The following AHCTF1 variants were observed in gnomAD, a reference collection of about 807,000 sequenced individuals.
AHCTF1 encodes AT-hook containing transcription factor 1.
A neutral mutation model predicts 248.4 loss-of-function variants in AHCTF1; 24 were observed. That is an observed-to-expected ratio of 0.10 (90% CI 0.07 to 0.14). The LOEUF (loss-of-function observed/expected upper bound fraction) is 0.14, where lower values mean the gene tolerates loss of function less well. Among genes scored for constraint, AHCTF1 ranks in the 10% least tolerant of loss-of-function variants. The pLI is 1.00. For synonymous variants in AHCTF1, 786 were observed against 929.8 expected (o/e 0.85, Z 2.81); for missense variants, 2,206 against 2,636.2 (o/e 0.84, Z 3.57).
chr1:246,922,098 G>A (rs1384166743), intron 1 of AHCTF1, among the ~76,000 whole-genome samples: 5 of 152,148 alleles, frequency 3.3e-5, no homozygotes, highest in African/African-American at 9.7e-5. Flanking sequence ...AGTGGCTCAC[G>A]CCTGTAATCC....
chr1:246,892,799 T>C (rs1335395475), intron 14 of AHCTF1, among the ~76,000 whole-genome samples: 1 of 117,126 alleles, frequency 8.5e-6, no homozygotes, highest in Non-Finnish European at 1.6e-5. Context: ...GCCCAGCTAA[T>C]TAAAAAAAAG....
intron 1 of AHCTF1, among the ~76,000 whole-genome samples, chr1:246,922,866 C>G (rs1307490792): frequency 6.6e-6 from 1 of 150,668 alleles, no homozygotes; most frequent in Non-Finnish European, 1.5e-5. Flanking sequence ...GCCTGTAGTC[C>G]CAGCTACTCG....
intron 1 of AHCTF1, among the ~76,000 whole-genome samples, chr1:246,930,618 G>C (rs191802152): frequency 6.6e-5 from 10 of 150,590 alleles, no homozygotes; most frequent in African/African-American, 2.4e-4. Context: ...TCGCCATGTT[G>C]CTCAGGCTGG....
chr1:246,852,780 C>A (rs1660808502), intron 32 of AHCTF1, among the ~76,000 whole-genome samples: 1 of 152,010 alleles, frequency 6.6e-6, no homozygotes, highest in Non-Finnish European at 1.5e-5. Context: ...TTCCCTGAGA[C>A]AGGATTTTGT....
In AHCTF1 at chr1:246,887,353, A is replaced by G. The variant is rs775223909; in HGVS notation, c.2330T>C (p.Ile777Thr). The G allele has an allele frequency of 1.2e-6, 2 of 1,608,290 alleles. No individual in the cohort carries two copies. The highest frequency in any genetic ancestry group is 1.7e-6 in the Non-Finnish European group (2 of 1,177,910). The change falls in exon 20 of 36, where the codon ATT (isoleucine) becomes ACT (threonine). Residue 777 changes from isoleucine to threonine, a missense_variant. This residue lies in a region of AHCTF1 where 650 missense variants were observed against 870.8 expected (regional missense o/e 0.75). Transcript: ENST00000648844. ...ATACATAATATCAAGTAGCAAATAAATGGTCTTTTAAAAAGCGGATTAAGG... is the reference window on the plus strand; with the variant it reads ...ATACATAATATCAAGTAGCAAATAAGTGGTCTTTTAAAAAGCGGATTAAGG... ...VTEAAKHSITIYLLLDIMYSF... is the reference protein window; with the variant it reads ...VTEAAKHSITTYLLLDIMYSF...
At chr1:246,894,053 A>C (rs1241688802) in intron 14 of AHCTF1, among the ~76,000 whole-genome samples, 1 of 151,998 alleles carries the variant, frequency 6.6e-6, no homozygotes, top group African/African-American at 2.4e-5. Flanking sequence ...AAAATACAAC[A>C]ATTAGCTGGG....
At chr1:246,882,463 C>T (rs778823379) in intron 21 of AHCTF1, among the ~76,000 whole-genome samples, 1 of 151,794 alleles carries the variant, frequency 6.6e-6, no homozygotes, top group Admixed American at 6.6e-5. Context: ...AATAAACAAC[C>T]GTAATGAAAA....
intron 1 of AHCTF1, chr1:246,931,330 G>A: frequency 6.5e-7 from 1 of 1,545,288 alleles, no homozygotes; most frequent in Non-Finnish European, 8.7e-7. Context: ...GCCGCCATGT[G>A]CCGCCGCTCC....
chr1:246,888,451 C>G lies in AHCTF1; in HGVS notation c.2211G>C (p.Glu737Asp), dbSNP rs756482422. The change falls in exon 18 of 36, where the codon GAG (glutamate) becomes GAC (aspartate). Residue 737 changes from glutamate to aspartate, a missense_variant. Transcript: ENST00000648844. ...GLVSQLGERI[E>D]KLWKRDEGGT... is the part of the protein sequence containing the mutation. ...CTCCTTCATCTCGTTTCCACAACTT[C>G]TCAATTCGCTCTCCTAACTGAGAAA... 4 of 1,613,294 alleles carry G rather than the reference C, an allele frequency of 2.5e-6. No individual in the cohort carries two copies. In the East Asian group the frequency reaches 8.9e-5, roughly 36 times the overall value.
rs201308457 is a variant in AHCTF1 at position 246,906,768 on chromosome 1, C to A, written c.764+783G>T. On this transcript the variant is annotated intron_variant, in intron 5 of 35. Coordinates refer to ENST00000648844, the MANE Select transcript of AHCTF1 (RefSeq NM_001323342.2). ...TAACGCTTAACACAAATTAACTTAG[C>A]TACAAAGTATCAATATAATTATATT... is the stretch of plus-strand genomic sequence containing the variant. Among the ~76,000 whole-genome samples, 9 of 152,282 alleles carry A rather than the reference C, an allele frequency of 5.9e-5. No individual in the cohort carries two copies. The East Asian group carries it at 1.7e-3, about 29-fold the overall frequency.
intron 1 of AHCTF1, among the ~76,000 whole-genome samples, chr1:246,926,868 G>C (rs993241605): frequency 1.3e-5 from 2 of 149,914 alleles, no homozygotes; most frequent in African/African-American, 4.9e-5. Flanking sequence ...AAACAAACAA[G>C]TCTCAAAACA....
intron 24 of AHCTF1, among the ~76,000 whole-genome samples, chr1:246,869,837 T>C (rs780328113): frequency 1.3e-5 from 2 of 152,218 alleles, no homozygotes; most frequent in Non-Finnish European, 2.9e-5. Flanking sequence ...ATCCATTCTG[T>C]AACCCTGGAT....
At chr1:246,871,161 A>C (rs1662568397) in intron 24 of AHCTF1, among the ~76,000 whole-genome samples, 1 of 152,130 alleles carries the variant, frequency 6.6e-6, no homozygotes, top group Non-Finnish European at 1.5e-5. Context: ...CATGGTGGCC[A>C]CCAAAAGGCC....
At chr1:246,841,467 T>C (rs893492059) in intron 35 of AHCTF1, among the ~76,000 whole-genome samples, 5 of 152,198 alleles carry the variant, frequency 3.3e-5, no homozygotes, top group African/African-American at 1.2e-4. Flanking sequence ...ACAGTGGTAT[T>C]AGCCATAGTG....
chr1:246,844,618 G>A (rs1660116393), intron 33 of AHCTF1, among the ~76,000 whole-genome samples: 1 of 152,176 alleles, frequency 6.6e-6, no homozygotes, highest in African/African-American at 2.4e-5. Context: ...CAGCTACGTG[G>A]GAGGCTGAGG....
intron 13 of AHCTF1, 74 bp downstream of exon 13, chr1:246,895,761 A>C: frequency 7.9e-7 from 1 of 1,268,072 alleles, no homozygotes; most frequent in South Asian, 1.4e-5. Flanking sequence ...AAAATAACTA[A>C]GAAAAAAATA....
rs183993127 is a variant in AHCTF1, at chr1:246,922,753, A to T, written c.-7-4376T>A. Among the ~76,000 whole-genome samples, 930 of 150,510 alleles carry T rather than the reference A, an allele frequency of 6.2e-3. 19 individuals carry two copies. The highest frequency in any genetic ancestry group is 0.04 in the Admixed American group (601 of 15,186). ...ATCCCAGCACTTTGGGAGGCCAAGG[A>T]GGGCGGATCACGAGGTCAGGAGATC... On this transcript the variant is annotated intron_variant, in intron 1 of 35. Coordinates refer to ENST00000648844, the MANE Select transcript of AHCTF1 (RefSeq NM_001323342.2).
At chr1:246,883,536 A>T (rs1291523064) in intron 21 of AHCTF1, among the ~76,000 whole-genome samples, 1 of 152,194 alleles carries the variant, frequency 6.6e-6, no homozygotes, top group Non-Finnish European at 1.5e-5. Flanking sequence ...CTTTTGCAAA[A>T]TTATCAGTTC....
intron 21 of AHCTF1, among the ~76,000 whole-genome samples, chr1:246,881,707 G>A (rs1663423930): frequency 1.3e-5 from 2 of 151,468 alleles, no homozygotes; most frequent in South Asian, 2.1e-4. Context: ...GCATGATGGC[G>A]GGCACCTGTA....
Sources: gnomAD v4.1 joint callset for allele counts (sites outside exome capture counted in the v4.1 genomes callset) on GRCh38, gnomAD v4.1.1 for gene constraint, gnomAD v4.1.1 regional missense constraint, MANE v1.5 for transcripts, NCBI Gene and HGNC (gene_info 2026-07-23, HGNC 2026-07-21) for gene names.